The following CDC73 variants were observed in gnomAD, a reference collection of about 807,000 sequenced individuals.
CDC73 encodes cell division cycle 73, also known as parafibromin.
A neutral mutation model predicts 83.7 loss-of-function variants in CDC73; 21 were observed. That is an observed-to-expected ratio of 0.25 (90% confidence interval 0.18 to 0.36). The LOEUF is 0.36. Ranked by LOEUF, CDC73 falls within the 10% of genes least tolerant of loss-of-function variation. CDC73 has a pLI of 1.00. For missense variants in CDC73, 342 were observed against 653.3 expected (o/e 0.52, Z 5.19); for synonymous variants, 224 against 212.9 (o/e 1.05, Z -0.45).
intron 2 of CDC73, among the ~76,000 whole-genome samples, chr1:193,128,376 C>T (rs557449091): frequency 6.6e-6 from 1 of 152,196 alleles, no homozygotes; most frequent in Admixed American, 6.5e-5. Context: ...TTGCCACAGC[C>T]TTACCCTCCC....
intron 10 of CDC73, among the ~76,000 whole-genome samples, chr1:193,202,573 G>A (rs1677110343): frequency 6.7e-6 from 1 of 149,096 alleles, no homozygotes; most frequent in Non-Finnish European, 1.5e-5. Context: ...GCGCAATAGT[G>A]AGAATGTTGG....
At chr1:193,125,533 AT>A (rs1675552990) in intron 2 of CDC73, among the ~76,000 whole-genome samples, 1 of 151,160 alleles carries the variant, frequency 6.6e-6, no homozygotes, top group Non-Finnish European at 1.5e-5. Flanking sequence ...AAGTGCTGGG[AT>A]TACTGGCATG....
intron 10 of CDC73, among the ~76,000 whole-genome samples, chr1:193,162,328 A>G (rs1180682339): frequency 7.3e-6 from 1 of 136,120 alleles, no homozygotes; most frequent in East Asian, 2.0e-4. Context: ...CATATATACT[A>G]TATACTATAT....
intron 14 of CDC73, among the ~76,000 whole-genome samples, chr1:193,233,359 C>T (rs1364582851): frequency 1.3e-5 from 2 of 151,970 alleles, no homozygotes; most frequent in Non-Finnish European, 1.5e-5. Flanking sequence ...CTGCACCTGG[C>T]AGCCTATATT....
At chr1:193,232,914 A>G in intron 13 of CDC73, 79 bp from the exon 14 acceptor site, 1 of 1,305,558 alleles carries the variant, frequency 7.7e-7, no homozygotes, top group Admixed American at 2.1e-5. Flanking sequence ...AAAAAAAAAA[A>G]TATTTCAAAT....
At chr1:193,148,638 AAT>A (rs1491111753) in intron 8 of CDC73, among the ~76,000 whole-genome samples, 1 of 145,692 alleles carries the variant, frequency 6.9e-6, no homozygotes, top group African/African-American at 2.5e-5. Context: ...GAAAATTTAT[AAT>A]TTTTTTTTTT....
chr1:193,219,625 A>T (rs916043828), intron 13 of CDC73, among the ~76,000 whole-genome samples: 1 of 152,196 alleles, frequency 6.6e-6, no homozygotes, highest in Non-Finnish European at 1.5e-5. Context: ...ATCCTAACAA[A>T]TTAACAGAGA....
chr1:193,246,651 G>A (rs2102070662), intron 15 of CDC73, among the ~76,000 whole-genome samples: 1 of 151,968 alleles, frequency 6.6e-6, no homozygotes, highest in South Asian at 2.1e-4. Flanking sequence ...ACCAAATTTT[G>A]TTAGTTTTCA....
intron 13 of CDC73, among the ~76,000 whole-genome samples, chr1:193,227,272 C>T (rs1255096540): frequency 6.6e-6 from 1 of 151,654 alleles, no homozygotes; most frequent in African/African-American, 2.4e-5. Context: ...GATGAGAATG[C>T]TACATGTAAA....
intron 10 of CDC73, among the ~76,000 whole-genome samples, chr1:193,175,523 A>G (rs960935501): frequency 6.6e-6 from 1 of 152,252 alleles, no homozygotes; most frequent in Non-Finnish European, 1.5e-5. Context: ...GATTTAACCA[A>G]CTGCCGATCG....
intron 15 of CDC73, among the ~76,000 whole-genome samples, chr1:193,249,506 T>C (rs899398641): frequency 5.3e-5 from 8 of 152,020 alleles, no homozygotes; most frequent in African/African-American, 9.7e-5. Context: ...ACCAACCTTA[T>C]AGTCTTTCTT....
At chr1:193,184,196 A>C (rs1676767217) in intron 10 of CDC73, among the ~76,000 whole-genome samples, 2 of 151,930 alleles carry the variant, frequency 1.3e-5, no homozygotes, top group African/African-American at 4.8e-5. Flanking sequence ...ATATATAACT[A>C]TAAATCTCCC....
intron 10 of CDC73, chr1:193,180,111 C>G (rs533423402): frequency 3.9e-6 from 2 of 514,780 alleles, no homozygotes; most frequent in East Asian, 3.5e-5. Context: ...TTTGGGAAAC[C>G]TTTTTTGTTA....
At chr1:193,185,876 A>G (rs1229743073) in intron 10 of CDC73, 1 of 152,176 alleles carries the variant, frequency 6.6e-6, no homozygotes, top group Non-Finnish European at 1.5e-5. Flanking sequence ...ACAATGACAA[A>G]TTTTAAAATC....
intron 10 of CDC73, among the ~76,000 whole-genome samples, chr1:193,172,217 G>A (rs1054236365): frequency 5.4e-5 from 8 of 149,124 alleles, no homozygotes; most frequent in Admixed American, 2.0e-4. Flanking sequence ...GAGCCACTGC[G>A]CCTGGCTGAT....
At chr1:193,123,908 G>A (rs996999521) in intron 1 of CDC73, among the ~76,000 whole-genome samples, 2 of 152,312 alleles carry the variant, frequency 1.3e-5, no homozygotes, top group East Asian at 1.9e-4. Context: ...TTAGGAGAAG[G>A]TTCCATAGAA....
Position 193,249,207 on chromosome 1 carries a change from C to CA in CDC73, c.1418-515dup, listed in dbSNP as rs140574314. Among the ~76,000 whole-genome samples, 1,458 of 151,708 alleles carry CA rather than the reference C, an allele frequency of 9.6e-3. 16 individuals carry two copies. The highest frequency in any genetic ancestry group is 0.034 in the South Asian group (164 of 4,820). On this transcript the variant is annotated intron_variant, in intron 15 of 16. Transcript: ENST00000367435. ...ACATTGAGGCATAATCCTACACCAG[C>CA]AAAAAAAATTAGGACTTGCTAAAGG...
At chr1:193,242,130 T>C (rs984647806) in intron 15 of CDC73, among the ~76,000 whole-genome samples, 1 of 145,326 alleles carries the variant, frequency 6.9e-6, no homozygotes, top group African/African-American at 2.4e-5. Flanking sequence ...CTTCAGGTGC[T>C]TCCCCCACCC....
At chr1:193,215,612 C>A (rs368934639) in intron 13 of CDC73, among the ~76,000 whole-genome samples, 20 of 147,646 alleles carry the variant, frequency 1.4e-4, no homozygotes, top group African/African-American at 4.7e-4. Context: ...TTTTTTGAGA[C>A]AGGGTCTTTC....
Sources: allele counts gnomAD v4.1 joint callset (sites outside exome capture counted in the v4.1 genomes callset), GRCh38; gene constraint gnomAD v4.1.1; transcripts MANE v1.5; gene names NCBI Gene and HGNC (gene_info 2026-07-23, HGNC 2026-07-21).